Variants in CEP63 observed in about 807,000 individuals in gnomAD.
The protein encoded by CEP63 is centrosomal protein 63.
A neutral mutation model predicts 89.1 loss-of-function variants in CEP63; 84 were observed. That is an observed-to-expected ratio of 0.94 (90% CI 0.79 to 1.13). CEP63 has a LOEUF of 1.13. Among genes scored for constraint, CEP63 ranks in the 50% most tolerant of loss-of-function variants. The probability of loss-of-function intolerance (pLI) is 0.00; values close to 1 mark genes in which losing one functional copy is unlikely to be tolerated. For synonymous variants in CEP63, 267 were observed against 272.5 expected, an observed-to-expected ratio of 0.98 and a Z score of 0.20; for missense variants, 838 against 813.3, an observed-to-expected ratio of 1.03 and a Z score of -0.37.
the CEP63 span, among the ~76,000 whole-genome samples, chr3:134,635,285 T>C: frequency 6.6e-6 from 1 of 151,972 alleles, no homozygotes; most frequent in African/African-American, 2.4e-5. Flanking sequence ...TCACTTGAGG[T>C]CAGGAGTTTG....
In CEP63 at chr3:134,537,153, A is replaced by T; in HGVS notation, c.442-2A>T. 6.2e-7 allele frequency: 1 copy of T among 1,602,198 alleles called. No individual in the cohort carries two copies. The highest frequency in any genetic ancestry group is 8.6e-7 in the Non-Finnish European group (1 of 1,169,168). On this transcript the variant is annotated splice_acceptor_variant, in intron 5 of 14. Transcript: ENST00000675561. LOFTEE classifies it high-confidence loss of function. ...AATTAAGTACTCTAATTGCCTCCTC[A>T]GGAATTCCGTCAGAAATCGCTGGAC...
chr3:134,485,765 C>T (rs1576624720), upstream of CEP63: 2 of 158,836 alleles, frequency 1.3e-5, no homozygotes, highest in Admixed American at 6.5e-5. Flanking sequence ...AACGTGGAAG[C>T]GGAGACGGGG....
chr3:134,716,446 G>C, the CEP63 span, among the ~76,000 whole-genome samples: 1 of 152,324 alleles, frequency 6.6e-6, no homozygotes, highest in Admixed American at 6.5e-5. Flanking sequence ...TTGCAGGGAA[G>C]AGGAAGTAAA....
rs1242009252 is a variant in CEP63, at chr3:134,517,381, G to A, written c.222+10095G>A. 2.0e-5 allele frequency among the ~76,000 whole-genome samples: 3 copies of A among 152,292 alleles called. No individual in the cohort carries two copies. In the East Asian group the frequency reaches 5.8e-4, roughly 29 times the overall value. ...AAAAACAGATGAAGCCACAATCATA[G>A]GGGAGAATTTTAACACATTTTTCTT... On this transcript the variant is annotated intron_variant, in intron 3 of 14. Transcript: ENST00000675561.
chr3:134,485,945 C>G, upstream of CEP63: 1 of 980,818 alleles, frequency 1.0e-6, no homozygotes, highest in Non-Finnish European at 1.2e-6. Flanking sequence ...GCGCTGGAAA[C>G]CCTTACCGGC....
At chr3:134,605,618 C>G in the CEP63 span, among the ~76,000 whole-genome samples, 8 of 152,150 alleles carry the variant, frequency 5.3e-5, no homozygotes, top group Non-Finnish European at 1.0e-4. Context: ...AAAGCTGTCC[C>G]AACCCTGTCA....
chr3:134,779,349 A>T, the CEP63 span, among the ~76,000 whole-genome samples: 1 of 152,058 alleles, frequency 6.6e-6, no homozygotes, highest in Non-Finnish European at 1.5e-5. Flanking sequence ...ATACACCATG[A>T]TTTATTTTTC....
At chr3:134,607,546 C>T in the CEP63 span, 1 of 985,554 alleles carries the variant, frequency 1.0e-6, no homozygotes, top group Non-Finnish European at 1.2e-6. Context: ...GCTGGACTGA[C>T]CCGACTTACA....
the CEP63 span, among the ~76,000 whole-genome samples, chr3:134,737,132 T>C: frequency 1.3e-5 from 2 of 152,162 alleles, no homozygotes; most frequent in African/African-American, 2.4e-5. Flanking sequence ...AATTCCTGCT[T>C]GACAATATAA....
intron 2 of CEP63, among the ~76,000 whole-genome samples, chr3:134,497,941 A>G (rs1940705983): frequency 1.3e-5 from 2 of 152,110 alleles, no homozygotes; most frequent in African/African-American, 4.8e-5. Flanking sequence ...CTGCTTTTAT[A>G]CTAATACCAT....
chr3:134,670,255 T>C, the CEP63 span, among the ~76,000 whole-genome samples: 6 of 152,244 alleles, frequency 3.9e-5, no homozygotes, highest in African/African-American at 1.4e-4. Context: ...TTTTACAAGC[T>C]ATTTGCCTCC....
At chr3:134,603,575 G>A in the CEP63 span, 1 of 1,568,012 alleles carries the variant, frequency 6.4e-7, no homozygotes, top group Non-Finnish European at 8.7e-7. Flanking sequence ...CCGGGGCACA[G>A]CCCTCACTGG....
At chr3:134,618,946 G>A in the CEP63 span, among the ~76,000 whole-genome samples, 5 of 152,156 alleles carry the variant, frequency 3.3e-5, no homozygotes, top group South Asian at 4.1e-4. Flanking sequence ...TTAATGCATC[G>A]CGAAGCCCGG....
At chr3:134,677,555 G>C in the CEP63 span, among the ~76,000 whole-genome samples, 1 of 152,078 alleles carries the variant, frequency 6.6e-6, no homozygotes, top group Non-Finnish European at 1.5e-5. Flanking sequence ...TTGCTCCTCA[G>C]CTTCCTCGAT....
the CEP63 span, among the ~76,000 whole-genome samples, chr3:134,640,201 T>A: frequency 4.2e-5 from 6 of 143,152 alleles, no homozygotes; most frequent in African/African-American, 1.0e-4. Flanking sequence ...AATCTCAGAC[T>A]GCACATTGAG....
Position 134,563,900 on chromosome 3 carries a change from G to T in CEP63, c.*2365G>T, listed in dbSNP as rs951827296. On this transcript the variant is annotated 3_prime_UTR_variant, in exon 15 of 15. Transcript: ENST00000675561. Reference sequence around the variant, plus strand: ...AACCTGTTCGGGTCTTTCATTTGCAGTTTACCCTGAATATTCCCTTTCTCT... The same window carrying T: ...AACCTGTTCGGGTCTTTCATTTGCATTTTACCCTGAATATTCCCTTTCTCT... 1 of 152,194 alleles carries T rather than the reference G, an allele frequency of 6.6e-6. No homozygotes were observed. Among genetic ancestry groups the T allele is most frequent in the Non-Finnish European group, 1.5e-5 (1 of 68,100 alleles). The allele number at this position is 152,194 out of a possible 1,614,324, so 9.4% of individuals were successfully genotyped here.
chr3:134,729,369 A>G, the CEP63 span, among the ~76,000 whole-genome samples: 12 of 152,206 alleles, frequency 7.9e-5, no homozygotes, highest in African/African-American at 2.9e-4. Context: ...ACTGTTTCCC[A>G]TCTTTCTTTT....
the CEP63 span, among the ~76,000 whole-genome samples, chr3:134,735,662 G>T: frequency 2.6e-5 from 4 of 152,070 alleles, no homozygotes; most frequent in East Asian, 7.7e-4. Context: ...TACCACAAAA[G>T]CACCACAAAT....
At chr3:134,525,373 A>C (rs777291352) in intron 3 of CEP63, among the ~76,000 whole-genome samples, 2 of 151,966 alleles carry the variant, frequency 1.3e-5, no homozygotes, top group Admixed American at 6.6e-5. Context: ...GTCTCCTTCA[A>C]CTTAGCTCTG....
Sources: allele counts gnomAD v4.1 joint callset (sites outside exome capture counted in the v4.1 genomes callset), GRCh38; gene constraint gnomAD v4.1.1; transcripts MANE v1.5; gene names NCBI Gene and HGNC (gene_info 2026-07-23, HGNC 2026-07-21).